Variants in GPR180 observed in about 807,000 individuals in gnomAD.
GPR180 encodes integral membrane protein GPR180.
Under a neutral mutation model 52.6 loss-of-function variants are expected in GPR180, and 53 were observed. That is an observed-to-expected ratio of 1.01 (90% CI 0.81 to 1.27). GPR180 has a LOEUF of 1.27. GPR180 is among the 50% of genes most tolerant of loss of function. GPR180 has a pLI of 0.00. For synonymous variants in GPR180, 200 were observed against 193.1 expected (o/e 1.04, Z -0.30); for missense variants, 533 against 527.0 (o/e 1.01, Z -0.11).
chr13:94,626,959 A>G, intron 8 of GPR180, 54 bp from the exon 9 acceptor site: 1 of 1,261,974 alleles, frequency 7.9e-7, no homozygotes, highest in South Asian at 1.5e-5. Context: ...TAAATTGAAT[A>G]TTATTTCTCT....
chr13:94,608,060 A>G (rs1478793491), intron 2 of GPR180, among the ~76,000 whole-genome samples: 2 of 152,182 alleles, frequency 1.3e-5, no homozygotes, highest in Non-Finnish European at 2.9e-5. Context: ...CATAGTCAGT[A>G]TTTATATACT....
At chr13:94,613,208 G>C (rs1889734297) in intron 3 of GPR180, among the ~76,000 whole-genome samples, 1 of 152,172 alleles carries the variant, frequency 6.6e-6, no homozygotes, top group African/African-American at 2.4e-5. Flanking sequence ...ATCTGCTTAA[G>C]AGAAAAATTT....
chr13:94,631,888 TA>T lies in GPR180; in HGVS notation c.*4718del, dbSNP rs1890003836. 6.6e-6 allele frequency: 1 copy of T among 152,102 alleles called. No individual in the cohort carries two copies. Among genetic ancestry groups the T allele is most frequent in the Non-Finnish European group, 1.5e-5 (1 of 68,028 alleles). The allele number at this position is 152,102 out of a possible 1,614,324, so 9.4% of individuals were successfully genotyped here. ...CTCTTTATTTTATGTAGTCCTGTAA[TA>T]GGACCATGTGTCTGGTTTCTGGCCT... On this transcript the variant is annotated 3_prime_UTR_variant, in exon 9 of 9. Transcript: ENST00000376958.
intron 2 of GPR180, among the ~76,000 whole-genome samples, chr13:94,609,161 G>A (rs897478401): frequency 6.6e-6 from 1 of 152,150 alleles, no homozygotes; most frequent in East Asian, 1.9e-4. Context: ...TTGTAGTTTG[G>A]TATATTTTAT....
chr13:94,607,394 GC>G (rs1387642955), intron 2 of GPR180, among the ~76,000 whole-genome samples: 4 of 152,150 alleles, frequency 2.6e-5, no homozygotes, highest in Admixed American at 2.6e-4. Context: ...GACCAGCAAA[GC>G]CATTGTAGAC....
At chr13:94,611,875 G>A (rs1375952933) in intron 2 of GPR180, among the ~76,000 whole-genome samples, 8 of 141,262 alleles carry the variant, frequency 5.7e-5, no homozygotes, top group Admixed American at 5.5e-4. Context: ...CAATACGAAT[G>A]TGAAAACCAA....
chr13:94,612,719 GTAGTTTA>G (rs1204266472), intron 3 of GPR180, among the ~76,000 whole-genome samples: 3 of 152,152 alleles, frequency 2.0e-5, no homozygotes, highest in African/African-American at 4.8e-5. Context: ...AACAACTTGT[GTAGTTTA>G]TAGTTTATAC....
chr13:94,621,059 G>T lies in GPR180; in HGVS notation c.737-19G>T. On this transcript the variant is annotated intron_variant, in intron 5 of 8. Coordinates refer to ENST00000376958, the MANE Select transcript of GPR180 (RefSeq NM_180989.6). The stretch of plus-strand genomic sequence containing the variant: ...ATATTGTGAAAACTTGGTTGACGTT[G>T]GTTTTCATGTCCCATTAGTTTTTGA... 6.3e-7 allele frequency: 1 copy of T among 1,581,318 alleles called. No homozygotes were observed. Among genetic ancestry groups the T allele is most frequent in the Non-Finnish European group, 8.5e-7 (1 of 1,169,982 alleles).
At chr13:94,620,937 TAATG>T in intron 5 of GPR180, 137 bp from the exon 6 acceptor site, 1 of 670,838 alleles carries the variant, frequency 1.5e-6, no homozygotes, top group Non-Finnish European at 2.5e-6. Flanking sequence ...GAATATCTCT[TAATG>T]AATTTCGTTA....
chr13:94,620,811 CATAT>C (rs1254260057), intron 5 of GPR180, among the ~76,000 whole-genome samples: 1 of 152,094 alleles, frequency 6.6e-6, no homozygotes, highest in East Asian at 1.9e-4. Context: ...ACTTAATGGA[CATAT>C]GGTATGGGCA....
At position 94,621,231 on chromosome 13, in the gene GPR180, C is replaced by T. The variant is rs901974609; in HGVS notation, c.890C>T (p.Thr297Ile). The change falls in exon 6 of 9, where the codon ACA (threonine) becomes ATA (isoleucine). Residue 297 changes from threonine (T) to isoleucine (I), a missense_variant. Thr to Ile is a moderately conservative substitution (Grantham distance 89). Coordinates refer to ENST00000376958, the MANE Select transcript of GPR180 (RefSeq NM_180989.6). ...GGCATTGCAGTATTCATTGTCATGA[C>T]ACAGGTGGGTATTGATACTCAGTGT... ...STGIAVFIVM[T>I]QSVLLLWEQF... 1.9e-6 allele frequency: 3 copies of T among 1,594,186 alleles called. No homozygotes were observed. The highest frequency in any genetic ancestry group is 2.6e-6 in the Non-Finnish European group (3 of 1,174,590).
chr13:94,615,516 C>T (rs1382112123), intron 3 of GPR180, among the ~76,000 whole-genome samples: 1 of 152,196 alleles, frequency 6.6e-6, no homozygotes, highest in East Asian at 1.9e-4. Flanking sequence ...GGTTAATCCT[C>T]TATTTTACAG....
chr13:94,618,420 A>ATGTTTTTTTTTTTTTTTTT (rs1708605808), intron 3 of GPR180, among the ~76,000 whole-genome samples: 3 of 87,144 alleles, frequency 3.4e-5, no homozygotes, highest in African/African-American at 6.3e-5. Context: ...TCAGCACAGG[A>ATGTTTTTTTTTTTTTTTTT]TTTTTTTTTT....
At chr13:94,610,713 G>A (rs544430227) in intron 2 of GPR180, among the ~76,000 whole-genome samples, 3 of 152,268 alleles carry the variant, frequency 2.0e-5, no homozygotes, top group African/African-American at 7.2e-5. Context: ...AATAGTTTTA[G>A]GTCCAGAAGG....
At chr13:94,626,306 TAG>T (rs1425331308) in intron 8 of GPR180, among the ~76,000 whole-genome samples, 8 of 152,268 alleles carry the variant, frequency 5.3e-5, no homozygotes, top group African/African-American at 1.7e-4. Context: ...TTTTATAAAT[TAG>T]AGAATTTATA....
chr13:94,606,917 T>G (rs141867700), intron 2 of GPR180, among the ~76,000 whole-genome samples: 4 of 152,378 alleles, frequency 2.6e-5, no homozygotes, highest in African/African-American at 9.6e-5. Flanking sequence ...CAGATTCTCT[T>G]GATTGGTTGT....
chr13:94,602,835 TTAAG>T (rs1889578187), intron 1 of GPR180, among the ~76,000 whole-genome samples: 1 of 152,226 alleles, frequency 6.6e-6, no homozygotes, highest in Admixed American at 6.5e-5. Context: ...CTCTCACAAT[TTAAG>T]TGTTTTTCTT....
intron 2 of GPR180, among the ~76,000 whole-genome samples, chr13:94,606,900 A>G (rs1889640428): frequency 6.6e-6 from 1 of 152,258 alleles, no homozygotes; most frequent in South Asian, 2.1e-4. Flanking sequence ...TATCTGGGAA[A>G]TACATGCAGA....
intron 1 of GPR180, among the ~76,000 whole-genome samples, chr13:94,603,828 T>G (rs922535336): frequency 3.9e-5 from 6 of 152,236 alleles, no homozygotes; most frequent in African/African-American, 1.2e-4. Flanking sequence ...TCCCTTTCCC[T>G]AGAGGCAATA....
Sources: gnomAD v4.1 joint callset for allele counts (sites outside exome capture counted in the v4.1 genomes callset) on GRCh38, gnomAD v4.1.1 for gene constraint, MANE v1.5 for transcripts, NCBI Gene and HGNC (gene_info 2026-07-23, HGNC 2026-07-21) for gene names.